The following NUBPL variants were observed in gnomAD, a reference collection of about 807,000 sequenced individuals.
The protein encoded by NUBPL is iron-sulfur cluster transfer protein NUBPL.
A neutral mutation model predicts 45.7 loss-of-function variants in NUBPL; 31 were observed. The ratio of observed to expected loss-of-function variants is 0.68; its 90% CI spans 0.51 to 0.92. The LOEUF (loss-of-function observed/expected upper bound fraction) is 0.92. NUBPL is among the 40% of genes least tolerant of loss of function. NUBPL has a pLI of 0.00. For missense variants in NUBPL, 401 were observed against 398.7 expected (o/e 1.01, Z -0.05); for synonymous variants, 144 against 140.9 (o/e 1.02, Z -0.15).
intron 3 of NUBPL, among the ~76,000 whole-genome samples, chr14:31,565,468 C>T (rs1203075061): frequency 2.6e-5 from 4 of 152,144 alleles, no homozygotes; most frequent in Non-Finnish European, 5.9e-5. Context: ...GCATTCCTTT[C>T]TGTTCCAGAG....
chr14:31,821,190 A>G lies in NUBPL; in HGVS notation c.608-5439A>G, dbSNP rs118129675. Among the ~76,000 whole-genome samples the G allele has an allele frequency of 3.3e-3, 501 of 151,904 alleles. 1 individual carries two copies. The highest frequency in any genetic ancestry group is 6.4e-3 in the Non-Finnish European group (437 of 67,954). ...GGGCTATCAAAGCAAAAATGGACAA[A>G]TGGGATCACATCACGTTAAAAAGCT... On this transcript the variant is annotated intron_variant, in intron 7 of 10. Coordinates refer to ENST00000281081, the MANE Select transcript of NUBPL (RefSeq NM_025152.3).
At chr14:31,724,310 G>A (rs1441638345) in intron 6 of NUBPL, among the ~76,000 whole-genome samples, 2 of 152,164 alleles carry the variant, frequency 1.3e-5, no homozygotes, top group Admixed American at 6.5e-5. Flanking sequence ...ACTGTGCTTG[G>A]TTGGGCTAAT....
At chr14:31,825,550 A>AT (rs1283186486) in intron 7 of NUBPL, among the ~76,000 whole-genome samples, 15 of 143,596 alleles carry the variant, frequency 1.0e-4, no homozygotes, top group African/African-American at 3.7e-4. Flanking sequence ...GTAATGCTTA[A>AT]TTTTTCAGTC....
At chr14:31,678,898 G>A (rs2036762993) in intron 6 of NUBPL, among the ~76,000 whole-genome samples, 1 of 152,180 alleles carries the variant, frequency 6.6e-6, no homozygotes, top group African/African-American at 2.4e-5. Flanking sequence ...GACTCCCTTT[G>A]AAGTTTATTT....
At chr14:31,768,592 T>TA (rs2038954557) in intron 6 of NUBPL, among the ~76,000 whole-genome samples, 1 of 152,162 alleles carries the variant, frequency 6.6e-6, no homozygotes, top group Non-Finnish European at 1.5e-5. Flanking sequence ...AAACCCCCAG[T>TA]ACTGAGACAG....
At chr14:31,682,540 G>T (rs929945844) in intron 6 of NUBPL, among the ~76,000 whole-genome samples, 1 of 151,980 alleles carries the variant, frequency 6.6e-6, no homozygotes, top group Admixed American at 6.6e-5. Flanking sequence ...TTGGGTTTCA[G>T]TCTACCATTT....
At chr14:31,595,605 T>C (rs1012078951) in intron 3 of NUBPL, among the ~76,000 whole-genome samples, 1 of 152,212 alleles carries the variant, frequency 6.6e-6, no homozygotes, top group African/African-American at 2.4e-5. Context: ...GCTGCATACA[T>C]TTATTTATAG....
At chr14:31,646,248 A>G (rs2139719504) in intron 4 of NUBPL, among the ~76,000 whole-genome samples, 1 of 151,754 alleles carries the variant, frequency 6.6e-6, no homozygotes, top group Admixed American at 6.6e-5. Flanking sequence ...GTGCAGTGGC[A>G]TGATCTTGGC....
intron 4 of NUBPL, among the ~76,000 whole-genome samples, chr14:31,634,796 TG>T (rs1444588648): frequency 2.6e-5 from 4 of 151,112 alleles, no homozygotes; most frequent in African/African-American, 7.3e-5. Context: ...TGGTGTGAGA[TG>T]GTATCTCATT....
chr14:31,716,412 T>G (rs1300110967), intron 6 of NUBPL, among the ~76,000 whole-genome samples: 1 of 152,228 alleles, frequency 6.6e-6, no homozygotes, highest in East Asian at 1.9e-4. Flanking sequence ...TAGATTTGTT[T>G]ATACCAGCAT....
intron 3 of NUBPL, among the ~76,000 whole-genome samples, chr14:31,569,541 T>G (rs941960494): frequency 4.7e-5 from 7 of 150,202 alleles, no homozygotes; most frequent in Non-Finnish European, 7.4e-5. Context: ...GTGTAGATTT[T>G]TCCTGCTTTT....
intron 8 of NUBPL, among the ~76,000 whole-genome samples, chr14:31,834,769 T>C (rs2040255007): frequency 1.3e-5 from 2 of 152,248 alleles, no homozygotes; most frequent in Admixed American, 6.5e-5. Context: ...ATTTTGCACA[T>C]GAGGAAATGT....
At chr14:31,757,575 A>T (rs1347279759) in intron 6 of NUBPL, among the ~76,000 whole-genome samples, 3 of 152,102 alleles carry the variant, frequency 2.0e-5, no homozygotes, top group Non-Finnish European at 4.4e-5. Flanking sequence ...TTTTAGAGTT[A>T]CGTTGCTAAA....
At chr14:31,832,620 T>C (rs1279353772) in intron 8 of NUBPL, among the ~76,000 whole-genome samples, 1 of 152,232 alleles carries the variant, frequency 6.6e-6, no homozygotes, top group East Asian at 1.9e-4. Flanking sequence ...CAGATTTTTA[T>C]TACCACTTAG....
At chr14:31,720,272 A>G (rs1326102329) in intron 6 of NUBPL, among the ~76,000 whole-genome samples, 1 of 152,214 alleles carries the variant, frequency 6.6e-6, no homozygotes, top group Non-Finnish European at 1.5e-5. Context: ...GTACTGCAAT[A>G]ATAACGTGCA....
chr14:31,808,082 C>T (rs1424215958), intron 7 of NUBPL, among the ~76,000 whole-genome samples: 1 of 152,160 alleles, frequency 6.6e-6, no homozygotes, highest in African/African-American at 2.4e-5. Flanking sequence ...GTTCTTTTGG[C>T]TTAGGATTGA....
chr14:31,598,658 A>G (rs1213325317), intron 3 of NUBPL, among the ~76,000 whole-genome samples: 1 of 152,188 alleles, frequency 6.6e-6, no homozygotes, highest in Non-Finnish European at 1.5e-5. Context: ...ATCAAAGAAA[A>G]CAGTTTTAGT....
At chr14:31,593,799 G>A (rs76766370) in intron 3 of NUBPL, among the ~76,000 whole-genome samples, 4,634 of 152,188 alleles carry the variant, frequency 0.03, 107 homozygotes, top group South Asian at 0.05. Flanking sequence ...ATACTTGGGG[G>A]AATAGGATTT....
chr14:31,631,722 G>A (rs1434299335), intron 4 of NUBPL, among the ~76,000 whole-genome samples: 1 of 152,034 alleles, frequency 6.6e-6, no homozygotes, highest in Non-Finnish European at 1.5e-5. Flanking sequence ...CGACATCCAA[G>A]CTCAAAGATA....
Sources: gnomAD v4.1 joint callset for allele counts (sites outside exome capture counted in the v4.1 genomes callset) on GRCh38, gnomAD v4.1.1 for gene constraint, MANE v1.5 for transcripts, NCBI Gene and HGNC (gene_info 2026-07-23, HGNC 2026-07-21) for gene names.